Variants in TLCD4 observed in about 807,000 individuals in gnomAD.
TLCD4 encodes TLC domain containing 4.
In TLCD4, 7 loss-of-function variants were observed where a neutral mutation model predicts 24.2. The ratio of observed to expected loss-of-function variants is 0.29; its 90% CI spans 0.16 to 0.54. The LOEUF (loss-of-function observed/expected upper bound fraction) is 0.54. Ranked by LOEUF, TLCD4 falls within the 20% of genes least tolerant of loss-of-function variation. The pLI is 0.95. For missense variants in TLCD4, 259 were observed against 313.9 expected, an observed-to-expected ratio of 0.82 and a Z score of 1.32; for synonymous variants, 103 against 106.4, an observed-to-expected ratio of 0.97 and a Z score of 0.20.
chr1:95,158,721 A>T (rs1029958577), intron 5 of TLCD4, among the ~76,000 whole-genome samples: 3 of 124,602 alleles, frequency 2.4e-5, no homozygotes, highest in Non-Finnish European at 4.7e-5. Flanking sequence ...AAGTGTTCTT[A>T]TCGGTCACTT....
upstream of TLCD4, among the ~76,000 whole-genome samples, chr1:95,112,722 C>T (rs199497644): frequency 7.2e-5 from 11 of 152,274 alleles, no homozygotes; most frequent in East Asian, 1.7e-3. Context: ...CCCTCTAGTA[C>T]CTCTTCTGAG....
intron 1 of TLCD4, among the ~76,000 whole-genome samples, chr1:95,125,969 TA>T (rs1355733491): frequency 7.1e-6 from 1 of 140,432 alleles, no homozygotes; most frequent in Non-Finnish European, 1.5e-5. Context: ...CTGGACAACA[TA>T]ATGAGACGCC....
intron 6 of TLCD4, 123 bp from the exon 7 acceptor site, chr1:95,191,427 C>T (rs543427315): frequency 4.2e-4 from 511 of 1,218,766 alleles, no homozygotes; most frequent in Non-Finnish European, 5.2e-4. Context: ...TTCAGCATTG[C>T]GTATGCTATT....
chr1:95,126,027 C>T (rs1040577697), intron 1 of TLCD4, among the ~76,000 whole-genome samples: 50 of 150,708 alleles, frequency 3.3e-4, no homozygotes, highest in African/African-American at 1.1e-3. Flanking sequence ...TGCAGTGGCT[C>T]ATGCCTCTAA....
chr1:95,145,523 G>A (rs779830979), intron 2 of TLCD4, among the ~76,000 whole-genome samples: 1 of 151,916 alleles, frequency 6.6e-6, no homozygotes, highest in Admixed American at 6.6e-5. Flanking sequence ...TGATTATTTT[G>A]TCTTAAGACT....
At chr1:95,104,024 C>G in the TLCD4 span, among the ~76,000 whole-genome samples, 5 of 152,112 alleles carry the variant, frequency 3.3e-5, no homozygotes, top group Non-Finnish European at 7.4e-5. Flanking sequence ...AGGATTTTAT[C>G]AACAAACCAG....
chr1:95,145,310 A>G (rs1462856321), intron 2 of TLCD4, among the ~76,000 whole-genome samples: 3 of 152,162 alleles, frequency 2.0e-5, no homozygotes, highest in Non-Finnish European at 4.4e-5. Context: ...TTATTTGAGA[A>G]TGGTCATATT....
intron 1 of TLCD4, among the ~76,000 whole-genome samples, chr1:95,134,903 C>T (rs1234742634): frequency 6.6e-6 from 1 of 152,144 alleles, no homozygotes; most frequent in African/African-American, 2.4e-5. Context: ...CATTTATTTC[C>T]TATTACAACC....
At chr1:95,116,040 C>T (rs1017458640), upstream of TLCD4, among the ~76,000 whole-genome samples, 22 of 152,138 alleles carry the variant, frequency 1.4e-4, no homozygotes, top group African/African-American at 5.1e-4. Flanking sequence ...TCAAAGAGCA[C>T]TGGAGCCCTG....
intron 5 of TLCD4, among the ~76,000 whole-genome samples, chr1:95,167,656 C>T (rs1416233386): frequency 1.3e-5 from 2 of 152,104 alleles, no homozygotes; most frequent in African/African-American, 2.4e-5. Context: ...ATCCAAGGCT[C>T]CTGGCTCTGG....
chr1:95,102,623 C>T, the TLCD4 span, among the ~76,000 whole-genome samples: 3 of 152,082 alleles, frequency 2.0e-5, no homozygotes, highest in Non-Finnish European at 2.9e-5. Context: ...AGATGGCATA[C>T]GTGGAATTGA....
At chr1:95,160,703 T>G (rs978338441) in intron 5 of TLCD4, among the ~76,000 whole-genome samples, 6 of 152,252 alleles carry the variant, frequency 3.9e-5, no homozygotes, top group Non-Finnish European at 5.9e-5. Context: ...TTGAGAGTTT[T>G]TCGCATGAAG....
At chr1:95,112,842 T>G (rs1272004758), upstream of TLCD4, among the ~76,000 whole-genome samples, 1 of 152,158 alleles carries the variant, frequency 6.6e-6, no homozygotes, top group African/African-American at 2.4e-5. Flanking sequence ...GTTGAAGCAT[T>G]TGTATCTAAA....
At chr1:95,095,121 G>A in the TLCD4 span, among the ~76,000 whole-genome samples, 1 of 152,208 alleles carries the variant, frequency 6.6e-6, no homozygotes, top group Non-Finnish European at 1.5e-5. Flanking sequence ...CACTTAGCAC[G>A]GTGGCTATGC....
the TLCD4 span, among the ~76,000 whole-genome samples, chr1:95,106,513 C>A: frequency 3.9e-5 from 6 of 151,970 alleles, no homozygotes; most frequent in East Asian, 5.8e-4. Flanking sequence ...CCAGCCTGGG[C>A]GACATGGTGA....
chr1:95,107,616 T>C, the TLCD4 span, among the ~76,000 whole-genome samples: 1 of 152,156 alleles, frequency 6.6e-6, no homozygotes, highest in Non-Finnish European at 1.5e-5. Context: ...AAGTTGTATT[T>C]AGCTATAAGG....
the TLCD4 span, among the ~76,000 whole-genome samples, chr1:95,103,401 A>C: frequency 6.6e-6 from 1 of 152,212 alleles, no homozygotes; most frequent in Non-Finnish European, 1.5e-5. Context: ...GTTCTACTCA[A>C]CTTCTCAGGA....
chr1:95,160,148 C>T (rs1184253440), intron 5 of TLCD4, among the ~76,000 whole-genome samples: 3 of 152,104 alleles, frequency 2.0e-5, no homozygotes, highest in Admixed American at 6.6e-5. Context: ...GCATGGAATG[C>T]TCTTCCATTT....
intron 1 of TLCD4, among the ~76,000 whole-genome samples, chr1:95,126,432 GAAAA>G (rs35106714): frequency 7.3e-6 from 1 of 137,294 alleles, no homozygotes. Flanking sequence ...TGTCTCAGGA[GAAAA>G]AAAAAAAAAA....
Sources: gnomAD v4.1 joint callset for allele counts (sites outside exome capture counted in the v4.1 genomes callset) on GRCh38, gnomAD v4.1.1 for gene constraint, MANE v1.5 for transcripts, NCBI Gene and HGNC (gene_info 2026-07-23, HGNC 2026-07-21) for gene names.